Variants in SAMD3 observed in about 807,000 individuals in gnomAD.
The protein encoded by SAMD3 is sterile alpha motif domain-containing protein 3.
A neutral mutation model predicts 58.5 loss-of-function variants in SAMD3; 63 were observed. The observed-to-expected ratio is 1.08, with a 90% confidence interval of 0.88 to 1.33. The LOEUF is 1.33. SAMD3 is among the 40% of genes most tolerant of loss of function. The pLI, the probability that SAMD3 is intolerant of heterozygous loss-of-function variation, is 0.00. For missense variants in SAMD3, 604 were observed against 608.4 expected (o/e 0.99, Z 0.08); for synonymous variants, 220 against 210.3 (o/e 1.05, Z -0.40).
At chr6:130,292,840 G>A (rs1273833764) in intron 2 of SAMD3, among the ~76,000 whole-genome samples, 3 of 149,312 alleles carry the variant, frequency 2.0e-5, no homozygotes, top group African/African-American at 7.4e-5. Flanking sequence ...GGATGGTCTC[G>A]ATCTCCTGAC....
intron 5 of SAMD3, among the ~76,000 whole-genome samples, chr6:130,195,451 C>A (rs1794007624): frequency 6.6e-6 from 1 of 152,206 alleles, no homozygotes; most frequent in African/African-American, 2.4e-5. Flanking sequence ...TAGAACAAGA[C>A]AAGCCTTACA....
rs768732861 is a variant in SAMD3, at chr6:130,145,399, A to G, written c.1219T>C (p.Leu407=). The G allele has an allele frequency of 1.9e-6, 3 of 1,611,578 alleles. No individual in the cohort carries two copies. Among genetic ancestry groups the G allele is most frequent in the South Asian group, 1.1e-5 (1 of 90,716 alleles). Residue 407 remains leucine (L), a synonymous_variant, in exon 11 of 12, where the codon TTA becomes CTA. Coordinates refer to ENST00000439090, the MANE Select transcript of SAMD3 (RefSeq NM_001017373.4). ...TCCCCAAAAACATCTGGGAGGAGTAAACATGTGGCTGTCATCTTCATGTCT... is the reference window on the plus strand; with the variant it reads ...TCCCCAAAAACATCTGGGAGGAGTAGACATGTGGCTGTCATCTTCATGTCT... ...LKYMKMTATC[L]LLPDVFGDDP...
At chr6:130,360,517 G>T (rs1018483689) in intron 1 of SAMD3, among the ~76,000 whole-genome samples, 1 of 152,198 alleles carries the variant, frequency 6.6e-6, no homozygotes, top group African/African-American at 2.4e-5. Context: ...CGAATAGGGT[G>T]TGGGTCACAA....
At chr6:130,206,486 G>T (rs939216137) in intron 5 of SAMD3, among the ~76,000 whole-genome samples, 4 of 152,146 alleles carry the variant, frequency 2.6e-5, no homozygotes, top group African/African-American at 9.7e-5. Flanking sequence ...TTCATGCTCG[G>T]GAACTTACTT....
At chr6:130,243,822 T>C (rs1439418271) in intron 2 of SAMD3, among the ~76,000 whole-genome samples, 1 of 152,204 alleles carries the variant, frequency 6.6e-6, no homozygotes, top group African/African-American at 2.4e-5. Context: ...CACAACCATA[T>C]GCACACACCA....
downstream of SAMD3, among the ~76,000 whole-genome samples, chr6:130,143,588 G>A (rs573751830): frequency 6.6e-6 from 1 of 152,178 alleles, no homozygotes; most frequent in African/African-American, 2.4e-5. Flanking sequence ...ATTTGAACAT[G>A]TAACCCAGGA....
chr6:130,313,807 G>T lies in SAMD3; in HGVS notation c.-303-714C>A, dbSNP rs146742552. On this transcript the variant is annotated intron_variant, in intron 1 of 13. Transcript: ENST00000368134. ...AGGTACCTACTATCCCGAGATTTAA[G>T]TATTTCCAAGATTCACCAGAGCTAA... Among the ~76,000 whole-genome samples the T allele has an allele frequency of 2.3e-3, 346 of 152,300 alleles. 2 individuals are homozygous for T. The highest frequency in any genetic ancestry group is 7.9e-3 in the African/African-American group (330 of 41,584).
chr6:130,255,140 A>T (rs1190182640), intron 2 of SAMD3, among the ~76,000 whole-genome samples: 2 of 152,188 alleles, frequency 1.3e-5, no homozygotes, highest in Non-Finnish European at 2.9e-5. Context: ...CTAGTTTCAT[A>T]CCATTGTGAT....
At chr6:130,292,053 T>G (rs1434357316) in intron 2 of SAMD3, among the ~76,000 whole-genome samples, 1 of 152,160 alleles carries the variant, frequency 6.6e-6, no homozygotes, top group African/African-American at 2.4e-5. Context: ...AACTGTGAAT[T>G]TACTAAATTA....
Position 130,214,529 on chromosome 6 carries a change from G to C in SAMD3, c.80-3C>G, listed in dbSNP as rs764530067. On this transcript the variant is annotated splice_polypyrimidine_tract_variant and splice_region_variant and intron_variant, in intron 3 of 11. Transcript: ENST00000439090. ...AGCGGCCCCACTTACTTCTTCCTCT[G>C]GGAAAAAGAAAAAAAATTAGTTTCT... 8.3e-6 allele frequency: 13 copies of C among 1,566,108 alleles called. No individual in the cohort carries two copies. The highest frequency in any genetic ancestry group is 8.6e-7 in the Non-Finnish European group (1 of 1,160,534).
chr6:130,290,478 G>A (rs189682603), intron 2 of SAMD3, among the ~76,000 whole-genome samples: 4 of 152,248 alleles, frequency 2.6e-5, no homozygotes, highest in East Asian at 1.9e-4. Context: ...AATGTTAATC[G>A]TATATAAAAA....
intron 5 of SAMD3, among the ~76,000 whole-genome samples, chr6:130,194,071 A>G (rs1793842592): frequency 6.6e-6 from 1 of 151,848 alleles, no homozygotes; most frequent in South Asian, 2.1e-4. Context: ...TCCACTCTAT[A>G]ATCTTTTTAT....
At chr6:130,285,657 A>G (rs927395368) in intron 2 of SAMD3, among the ~76,000 whole-genome samples, 2 of 152,242 alleles carry the variant, frequency 1.3e-5, no homozygotes, top group Non-Finnish European at 2.9e-5. Context: ...TATATGCGAT[A>G]AGCATGTATT....
At chr6:130,347,489 C>T (rs1777492752) in intron 1 of SAMD3, among the ~76,000 whole-genome samples, 1 of 151,976 alleles carries the variant, frequency 6.6e-6, no homozygotes, top group Admixed American at 6.6e-5. Flanking sequence ...GATGGAAGAT[C>T]AAATGAATGA....
chr6:130,210,526 G>C (rs1406742069), intron 4 of SAMD3, among the ~76,000 whole-genome samples: 2 of 151,676 alleles, frequency 1.3e-5, no homozygotes, highest in Non-Finnish European at 2.9e-5. Flanking sequence ...TTGAACCTGG[G>C]AGGCAGAGGT....
intron 5 of SAMD3, among the ~76,000 whole-genome samples, chr6:130,193,278 A>C (rs9492485): frequency 0.79 from 117,540 of 149,502 alleles, 46,238 homozygotes; most frequent in African/African-American, 0.87. Flanking sequence ...TCTCCTTCAC[A>C]CTTAGCAGCA....
chr6:130,153,647 C>CATATATATATATATATATATATATAT lies in SAMD3; in HGVS notation c.1023+1177_1023+1178insATATATATATATATATATATATATAT, dbSNP rs1196709383. 2.1e-3 allele frequency among the ~76,000 whole-genome samples: 202 copies of CATATATATATATATATATATATATAT among 96,396 alleles called. 2 individuals carry two copies. The highest frequency in any genetic ancestry group is 3.0e-3 in the African/African-American group (93 of 30,738). 63.2% of individuals were successfully genotyped at this position (96,396 alleles called of 152,430 possible). A position where few individuals can be genotyped will look rare whatever the true frequency, so the allele number is the denominator to read the frequency against. On this transcript the variant is annotated intron_variant, in intron 9 of 11. Coordinates refer to ENST00000439090, the MANE Select transcript of SAMD3 (RefSeq NM_001017373.4). ...TTTGATTGATTTACCCATTAAATTT[C>CATATATATATATATATATATATATAT]ATATATATATATATATATTTATTTA...
intron 2 of SAMD3, among the ~76,000 whole-genome samples, chr6:130,231,559 C>T (rs767560406): frequency 1.8e-4 from 27 of 151,150 alleles, no homozygotes; most frequent in African/African-American, 3.4e-4. Flanking sequence ...AGTGAAACTC[C>T]GTCTCAAAAA....
chr6:130,223,856 G>A (rs1796306492), upstream of SAMD3, among the ~76,000 whole-genome samples: 1 of 152,144 alleles, frequency 6.6e-6, no homozygotes, highest in African/African-American at 2.4e-5. Flanking sequence ...CAGTCTTTCA[G>A]CTTAGCCATC....
Sources: gnomAD v4.1 joint callset for allele counts (sites outside exome capture counted in the v4.1 genomes callset) on GRCh38, gnomAD v4.1.1 for gene constraint, MANE v1.5 for transcripts, NCBI Gene and HGNC (gene_info 2026-07-23, HGNC 2026-07-21) for gene names.